KCNT1: variants seen among roughly 807,000 people sequenced by gnomAD.
The protein encoded by KCNT1 is potassium sodium-activated channel subfamily T member 1.
Under a neutral mutation model 147.8 loss-of-function variants are expected in KCNT1, and 78 were observed. That is an observed-to-expected ratio of 0.53 (90% CI 0.44 to 0.64). KCNT1 has a LOEUF of 0.64. Ranked by LOEUF, KCNT1 falls within the 30% of genes least tolerant of loss-of-function variation. The pLI, the probability that KCNT1 is intolerant of heterozygous loss-of-function variation, is 0.00. For missense variants in KCNT1, 1,419 were observed against 1,750.3 expected, an observed-to-expected ratio of 0.81 and a Z score of 3.38; for synonymous variants, 867 against 748.8, an observed-to-expected ratio of 1.16 and a Z score of -2.58.
intron 24 of KCNT1, among the ~76,000 whole-genome samples, chr9:135,780,986 A>C (rs529414023): frequency 1.0e-3 from 152 of 151,994 alleles, no homozygotes; most frequent in African/African-American, 3.5e-3. Flanking sequence ...TTGGGTCAGC[A>C]AGCACGCAGC....
rs1834581421 is a variant in KCNT1 at position 135,792,082 on chromosome 9, G to A, written c.3629G>A (p.Ser1210Asn). The A allele has an allele frequency of 6.2e-7, 1 of 1,604,290 alleles. No individual in the cohort carries two copies. The highest frequency in any genetic ancestry group is 1.1e-5 in the South Asian group (1 of 90,924). Reference sequence around the variant, plus strand: ...GACCCCCTGGCTCACGTGGCCAGCAGCTCCCAGAGCCGGAAGAGCAGCTGC... The same window carrying A: ...GACCCCCTGGCTCACGTGGCCAGCAACTCCCAGAGCCGGAAGAGCAGCTGC... ...RSDPLAHVAS[S>N]SQSRKSSCSH... is the part of the protein sequence containing the mutation. The change falls in exon 31 of 31, where the codon AGC becomes AAC. Residue 1210 changes from serine (S) to asparagine (N), a missense_variant. By Grantham distance (46) the Ser-to-Asn change is conservative. This residue lies in a region of KCNT1 where 306 missense variants were observed against 294.2 expected (regional missense o/e 1.04). Coordinates refer to ENST00000371757, the MANE Select transcript of KCNT1 (RefSeq NM_020822.3).
At chr9:135,779,906 G>C (rs954380511) in intron 24 of KCNT1, among the ~76,000 whole-genome samples, 6 of 152,266 alleles carry the variant, frequency 3.9e-5, no homozygotes, top group African/African-American at 1.4e-4. Context: ...CGCTGCCCTG[G>C]CCACTACGCC....
chr9:135,760,619 A>G (rs1317427522), intron 11 of KCNT1, among the ~76,000 whole-genome samples: 3 of 152,184 alleles, frequency 2.0e-5, no homozygotes, highest in Admixed American at 2.0e-4. Flanking sequence ...TGCTGACCCC[A>G]GGCTCAGCCC....
Position 135,702,269 on chromosome 9 carries a change from C to G in KCNT1, c.11C>G (p.Pro4Arg), listed in dbSNP as rs747733979. 6 of 1,608,620 alleles carry G rather than the reference C, an allele frequency of 3.7e-6. No homozygotes were observed. Among genetic ancestry groups the G allele is most frequent in the African/African-American group, 1.3e-5 (1 of 74,586 alleles). ...GAGCTGCCAGGCCGCATGCCACTCC[C>G]TGACGGGGCGCGGACCCCGGGGGGC... MPL[P>R]DGARTPGGVC... is the part of the protein sequence containing the mutation. The change falls in exon 1 of 31, where the codon CCT becomes CGT. Residue 4 changes from proline to arginine, a missense_variant. Pro to Arg is a moderately radical substitution (Grantham distance 103, BLOSUM62 -2). Around this residue, in one of 5 missense-constraint regions of KCNT1, gnomAD observed 181 missense variants for 155.7 expected, o/e 1.16. Transcript: ENST00000371757.
intron 2 of KCNT1, among the ~76,000 whole-genome samples, chr9:135,740,173 G>A (rs964608379): frequency 3.3e-5 from 5 of 152,106 alleles, no homozygotes; most frequent in Non-Finnish European, 5.9e-5. Context: ...TAAAGGCCTC[G>A]TCTCCAAACA....
Position 135,724,517 on chromosome 9 carries a change from G to A in KCNT1, c.254+9797G>A, listed in dbSNP as rs965008678. ...GCCTGTTCCTTCCTCCACGTATGCA[G>A]GCATTCATTCATTCAGTCATGCAAC... On this transcript the variant is annotated intron_variant, in intron 2 of 30. Coordinates refer to ENST00000371757, the MANE Select transcript of KCNT1 (RefSeq NM_020822.3). 2.2e-4 allele frequency among the ~76,000 whole-genome samples: 34 copies of A among 152,352 alleles called. 1 individual carries two copies. The highest frequency in any genetic ancestry group is 1.9e-3 in the Admixed American group (29 of 15,308).
At chr9:135,709,967 C>A (rs1244825211) in intron 1 of KCNT1, among the ~76,000 whole-genome samples, 1 of 152,244 alleles carries the variant, frequency 6.6e-6, no homozygotes, top group Admixed American at 6.5e-5. Flanking sequence ...AGGCTTGAGC[C>A]ACTGCACCCG....
chr9:135,791,991 G>A, intron 30 of KCNT1, 50 bp from the exon 31 acceptor site: 1 of 1,603,710 alleles, frequency 6.2e-7, no homozygotes, highest in South Asian at 1.1e-5. Context: ...GGGCTGAGCA[G>A]GGGCTGCCCG....
chr9:135,777,576 C>T (rs1833258660), intron 21 of KCNT1, 66 bp downstream of exon 21: 2 of 1,471,676 alleles, frequency 1.4e-6, no homozygotes, highest in Non-Finnish European at 1.9e-6. Flanking sequence ...CAGCAGCCTC[C>T]CCAACTGGGC....
rs1300404178 is a variant in KCNT1 at position 135,730,617 on chromosome 9, C to T, written c.254+15897C>T. Among the ~76,000 whole-genome samples, 3 of 152,132 alleles carry T rather than the reference C, an allele frequency of 2.0e-5. No homozygotes were observed. Among genetic ancestry groups the T allele is most frequent in the Non-Finnish European group, 1.5e-5 (1 of 68,032 alleles). Reference sequence around the variant, plus strand: ...AAGAGGCAAGGAAATGGACCCCTCCCTGGGACTCCAGAAGGAGCCAGCCCT... The same window carrying T: ...AAGAGGCAAGGAAATGGACCCCTCCTTGGGACTCCAGAAGGAGCCAGCCCT... On this transcript the variant is annotated intron_variant, in intron 2 of 30. Coordinates refer to ENST00000371757, the MANE Select transcript of KCNT1 (RefSeq NM_020822.3). The surrounding 1 kb of genome is among the most constrained non-coding windows in gnomAD (Gnocchi z 4.7).
At chr9:135,778,589 G>T (rs549476149) in intron 22 of KCNT1, 94 bp downstream of exon 22, 14 of 1,598,682 alleles carry the variant, frequency 8.8e-6, no homozygotes, top group East Asian at 4.5e-5. Flanking sequence ...CAGGTGGGGT[G>T]GGGGGCTGAG....
chr9:135,760,457 G>A lies in KCNT1; in HGVS notation c.1035+598G>A, dbSNP rs139879770. On this transcript the variant is annotated intron_variant, in intron 11 of 30. Transcript: ENST00000371757. ...AGGGACCCTGCTATTGGGGAGATGG[G>A]AGAAGGAGGGGACCCCTGTGGGTGG... Among the ~76,000 whole-genome samples, 990 of 152,326 alleles carry A rather than the reference G, an allele frequency of 6.5e-3. 7 individuals are homozygous for A. Among genetic ancestry groups the A allele is most frequent in the African/African-American group, 0.022 (935 of 41,576 alleles).
intron 17 of KCNT1, 57 bp downstream of exon 17, chr9:135,770,504 C>T: frequency 6.5e-7 from 1 of 1,542,810 alleles, no homozygotes. Flanking sequence ...GCTCTGTGCC[C>T]TCCCCACCCT....
At chr9:135,742,346 G>C (rs1303364865) in intron 2 of KCNT1, among the ~76,000 whole-genome samples, 1 of 152,236 alleles carries the variant, frequency 6.6e-6, no homozygotes, top group Non-Finnish European at 1.5e-5. Flanking sequence ...CTGGCTTCGT[G>C]CTGAGCAGGG....
Position 135,715,578 on chromosome 9 carries a change from T to TCCGTCACCACCCAGCCCTGGGCG in KCNT1, c.254+859_254+860insCGTCACCACCCAGCCCTGGGCGC, listed in dbSNP as rs796112695. On this transcript the variant is annotated intron_variant, in intron 2 of 30. Coordinates refer to ENST00000371757, the MANE Select transcript of KCNT1 (RefSeq NM_020822.3). The stretch of plus-strand genomic sequence containing the variant: ...GCTCCGTCACCACCCAGCCCTGGGC[T>TCCGTCACCACCCAGCCCTGGGCG]CAGCTAGCAAATCCGCACTTTCCCC... 9.7e-3 allele frequency among the ~76,000 whole-genome samples: 1,478 copies of TCCGTCACCACCCAGCCCTGGGCG among 152,170 alleles called. 9 individuals carry two copies. The highest frequency in any genetic ancestry group is 0.034 in the Middle Eastern group (10 of 294).
intron 2 of KCNT1, among the ~76,000 whole-genome samples, chr9:135,732,611 C>T (rs1328740883): frequency 1.3e-5 from 2 of 152,116 alleles, no homozygotes; most frequent in East Asian, 3.9e-4. Context: ...ACAGGCTCAT[C>T]TCATCTTCGA....
intron 18 of KCNT1, among the ~76,000 whole-genome samples, chr9:135,771,575 C>T (rs1397736575): frequency 6.6e-6 from 1 of 152,216 alleles, no homozygotes; most frequent in Non-Finnish European, 1.5e-5. Flanking sequence ...CACGTGTGTC[C>T]CTCAAACAGT....
chr9:135,771,309 CGGGCA>C, intron 18 of KCNT1: 1 of 606,784 alleles, frequency 1.6e-6, no homozygotes, highest in Non-Finnish European at 2.9e-6. Flanking sequence ...GAGACCAGAC[CGGGCA>C]GGGCAGGAGA....
At position 135,770,840 on chromosome 9, in the gene KCNT1, C is replaced by T; in HGVS notation, c.1770-17C>T. ...GGGTGAGCGGCGGTACCTGAAGTTG[C>T]CGGTGCCTCTGCCCAGGTATGGCGT... On this transcript the variant is annotated splice_polypyrimidine_tract_variant and intron_variant, in intron 17 of 30. Transcript: ENST00000371757. 1.3e-6 allele frequency: 2 copies of T among 1,552,512 alleles called. No homozygotes were observed. The highest frequency in any genetic ancestry group is 1.4e-5 in the African/African-American group (1 of 73,452).
Sources: gnomAD v4.1 joint callset for allele counts (sites outside exome capture counted in the v4.1 genomes callset) on GRCh38, gnomAD v4.1.1 for gene constraint, gnomAD v4.1.1 regional missense constraint, Gnocchi (gnomAD v3.1) non-coding constraint, MANE v1.5 for transcripts, NCBI Gene and HGNC (gene_info 2026-07-23, HGNC 2026-07-21) for gene names.